Variants in ASTN2 observed in about 807,000 individuals in gnomAD.
ASTN2 encodes astrotactin-2.
A neutral mutation model predicts 139.8 loss-of-function variants in ASTN2; 54 were observed. The ratio of observed to expected loss-of-function variants is 0.39; its 90% confidence interval spans 0.31 to 0.48. The LOEUF (loss-of-function observed/expected upper bound fraction) is 0.48, where lower values mean the gene tolerates loss of function less well. Ranked by LOEUF, ASTN2 falls within the 20% of genes least tolerant of loss-of-function variation. The pLI is 0.95. For synonymous variants in ASTN2, 756 were observed against 719.5 expected (o/e 1.05, Z -0.81); for missense variants, 1,565 against 1,725.1 (o/e 0.91, Z 1.64).
At chr9:116,617,393 A>C (rs73528724) in intron 19 of ASTN2, among the ~76,000 whole-genome samples, 3,574 of 152,284 alleles carry the variant, frequency 0.023, 132 homozygotes, top group African/African-American at 0.082. Context: ...TAGGTGTTGG[A>C]AATTTAACTA....
chr9:116,920,472 A>G (rs549801435), intron 10 of ASTN2, among the ~76,000 whole-genome samples: 82 of 152,340 alleles, frequency 5.4e-4, no homozygotes, highest in African/African-American at 1.9e-3. Flanking sequence ...CTCAAAAAAA[A>G]TCCTGGGTCA....
rs112457775 is a variant in ASTN2 at position 116,903,278 on chromosome 9, T to C, written c.1890-39545A>G. Among the ~76,000 whole-genome samples the C allele has an allele frequency of 2.2e-3, 330 of 152,350 alleles. 3 individuals carry two copies. Among genetic ancestry groups the C allele is most frequent in the African/African-American group, 7.5e-3 (312 of 41,584 alleles). ...CCTCGAATCTACTGTATAATTTACC[T>C]GTTTATCATGCTATTTTTTGTCTTC... On this transcript the variant is annotated intron_variant, in intron 10 of 22. Transcript: ENST00000313400.
intron 10 of ASTN2, among the ~76,000 whole-genome samples, chr9:116,902,243 A>T (rs4413845): frequency 0.38 from 57,996 of 151,866 alleles, 13,208 homozygotes; most frequent in Non-Finnish European, 0.51. Flanking sequence ...AATGATCCTG[A>T]CCCTGTGGAA....
intron 1 of ASTN2, among the ~76,000 whole-genome samples, chr9:117,358,426 A>G (rs566160713): frequency 4.6e-4 from 70 of 152,164 alleles, no homozygotes; most frequent in African/African-American, 1.6e-3. Context: ...CATTACAAAT[A>G]CCTTAGTCCT....
chr9:117,253,756 G>A (rs1833604958), intron 2 of ASTN2, among the ~76,000 whole-genome samples: 1 of 152,192 alleles, frequency 6.6e-6, no homozygotes, highest in Admixed American at 6.5e-5. Flanking sequence ...TGAAACAGGA[G>A]CTGGGGCAGA....
At position 116,620,911 on chromosome 9, in the gene ASTN2, TTTTA is replaced by T. The variant is rs1856110474; in HGVS notation, c.3073-472_3073-469del. 3.3e-5 allele frequency among the ~76,000 whole-genome samples: 5 copies of T among 152,206 alleles called. No individual in the cohort carries two copies. The South Asian group carries it at 1.0e-3, about 32-fold the overall frequency. On this transcript the variant is annotated intron_variant, in intron 17 of 22. Coordinates refer to ENST00000313400, the MANE Select transcript of ASTN2 (RefSeq NM_001365068.1). ...TTATTAAACACCTTGCTGCACTGCC[TTTTA>T]TAGAAGTCTGACCATCTCATTGCCC...
At chr9:116,620,551 C>T (rs1277115561) in intron 17 of ASTN2, 108 bp from the exon 18 acceptor site, 1 of 1,379,874 alleles carries the variant, frequency 7.2e-7, no homozygotes, top group Non-Finnish European at 1.0e-6. Flanking sequence ...TAGAGTAGCC[C>T]CTTTAAGCAC....
At position 116,440,001 on chromosome 9, in the gene ASTN2, CAT is replaced by C. The variant is rs1588059735; in HGVS notation, c.3782+606_3782+607del. ...TGGATGAATGTTGCTAGATGCAAGA[CAT>C]AAAATGCAGCCACCATTGCATATAC... On this transcript the variant is annotated intron_variant, in intron 22 of 22. Transcript: ENST00000313400. Among the ~76,000 whole-genome samples, 3 of 152,286 alleles carry C rather than the reference CAT, an allele frequency of 2.0e-5. No homozygotes were observed. In the East Asian group the frequency reaches 5.8e-4, roughly 29 times the overall value.
chr9:117,303,670 T>C (rs1048910787), intron 1 of ASTN2, among the ~76,000 whole-genome samples: 1 of 152,198 alleles, frequency 6.6e-6, no homozygotes, highest in African/African-American at 2.4e-5. Context: ...TCACTGTTTT[T>C]TACCAACCTA....
At chr9:117,082,861 C>G (rs915796357) in intron 5 of ASTN2, among the ~76,000 whole-genome samples, 6 of 152,140 alleles carry the variant, frequency 3.9e-5, no homozygotes, top group African/African-American at 1.4e-4. Flanking sequence ...CATGGAGGTT[C>G]AAGTGCAGGC....
chr9:117,357,513 A>T (rs747560211), intron 1 of ASTN2, among the ~76,000 whole-genome samples: 3 of 151,946 alleles, frequency 2.0e-5, no homozygotes, highest in Non-Finnish European at 2.9e-5. Context: ...TGGGCACAGC[A>T]GGTTCAGAGT....
chr9:117,027,088 A>T (rs1838110229), intron 6 of ASTN2, among the ~76,000 whole-genome samples: 1 of 152,276 alleles, frequency 6.6e-6, no homozygotes, highest in East Asian at 1.9e-4. Flanking sequence ...TAACAAGGAG[A>T]CTCGACTTAG....
At chr9:117,399,327 C>T (rs1292543686) in intron 1 of ASTN2, among the ~76,000 whole-genome samples, 2 of 152,030 alleles carry the variant, frequency 1.3e-5, no homozygotes, top group Non-Finnish European at 2.9e-5. Context: ...AATATTCACG[C>T]TGGATCTTAA....
At chr9:116,676,794 A>C (rs1219313493) in intron 16 of ASTN2, among the ~76,000 whole-genome samples, 1 of 152,206 alleles carries the variant, frequency 6.6e-6, no homozygotes, top group Non-Finnish European at 1.5e-5. Context: ...TTCTGGAATG[A>C]TTCCTTTCTG....
chr9:116,572,238 C>A (rs1185321426), intron 19 of ASTN2, among the ~76,000 whole-genome samples: 1 of 152,188 alleles, frequency 6.6e-6, no homozygotes, highest in African/African-American at 2.4e-5. Flanking sequence ...CAGCTGACAC[C>A]TCCGCTGCTC....
intron 6 of ASTN2, among the ~76,000 whole-genome samples, chr9:117,020,227 A>G (rs189843509): frequency 6.6e-6 from 1 of 152,230 alleles, no homozygotes; most frequent in African/African-American, 2.4e-5. Flanking sequence ...TAGTACTTCT[A>G]TGATATTGAA....
At position 117,334,455 on chromosome 9, in the gene ASTN2, A is replaced by G. The variant is rs540918678; in HGVS notation, c.443-42942T>C. On this transcript the variant is annotated intron_variant, in intron 1 of 22. Coordinates refer to ENST00000313400, the MANE Select transcript of ASTN2 (RefSeq NM_001365068.1). ...AACATTCACCCTCAGGGTCACTGTA[A>G]GGATTACATGAGAAGTGGTATATCA... Among the ~76,000 whole-genome samples, 5 of 151,784 alleles carry G rather than the reference A, an allele frequency of 3.3e-5. No individual in the cohort carries two copies. In the East Asian group the frequency reaches 9.7e-4, roughly 29 times the overall value.
chr9:116,552,331 G>C (rs1027342123), intron 19 of ASTN2: 1 of 152,180 alleles, frequency 6.6e-6, no homozygotes, highest in African/African-American at 2.4e-5. Flanking sequence ...ATTGGTGTCA[G>C]AGTTAAGGGG....
intron 13 of ASTN2, among the ~76,000 whole-genome samples, chr9:116,770,794 C>T (rs1368588986): frequency 6.6e-6 from 1 of 152,108 alleles, no homozygotes; most frequent in Non-Finnish European, 1.5e-5. Context: ...CAAGACTCCT[C>T]AATAAAAAGT....
Sources: allele counts gnomAD v4.1 joint callset (sites outside exome capture counted in the v4.1 genomes callset), GRCh38; gene constraint gnomAD v4.1.1; transcripts MANE v1.5; gene names NCBI Gene and HGNC (gene_info 2026-07-23, HGNC 2026-07-21).